GSE1: variants seen among roughly 807,000 people sequenced by gnomAD.
GSE1 encodes the protein Gse1 coiled-coil protein, also known as genetic suppressor element 1.
In GSE1, 32 loss-of-function variants were observed where a neutral mutation model predicts 112.6. The observed-to-expected ratio is 0.28, with a 90% CI of 0.21 to 0.38. The LOEUF (loss-of-function observed/expected upper bound fraction) is 0.38, where lower values mean the gene tolerates loss of function less well. Among genes scored for constraint, GSE1 ranks in the 10% least tolerant of loss-of-function variants. GSE1 has a pLI of 1.00. For missense variants in GSE1, 2,348 were observed against 1,699.2 expected, an observed-to-expected ratio of 1.38 and a Z score of -6.71; for synonymous variants, 1,115 against 735.6, an observed-to-expected ratio of 1.52 and a Z score of -8.35.
At chr16:85,276,853 G>T (rs12596384) in intron 1 of GSE1, among the ~76,000 whole-genome samples, 22,565 of 152,194 alleles carry the variant, frequency 0.15, 2,193 homozygotes, top group East Asian at 0.37. Context: ...GCTCTGAAAA[G>T]CAGGTGTCCT....
chr16:85,546,687 G>A (rs988729611), intron 2 of GSE1, among the ~76,000 whole-genome samples: 3 of 152,226 alleles, frequency 2.0e-5, no homozygotes, highest in Non-Finnish European at 2.9e-5. Flanking sequence ...AGGCCTGGAC[G>A]CGGCCAGTGA....
intron 1 of GSE1, among the ~76,000 whole-genome samples, chr16:85,590,327 AGTGTGT>A (rs377069631): frequency 2.2e-5 from 3 of 136,458 alleles, no homozygotes; most frequent in African/African-American, 8.7e-5. Flanking sequence ...TGTGAATGTG[AGTGTGT>A]GTGATTAACG....
intron 2 of GSE1, among the ~76,000 whole-genome samples, chr16:85,508,992 T>C (rs2051639732): frequency 6.6e-6 from 1 of 152,054 alleles, no homozygotes; most frequent in African/African-American, 2.4e-5. Flanking sequence ...AGTGGATATG[T>C]CTGGTAGGGC....
intron 1 of GSE1, among the ~76,000 whole-genome samples, chr16:85,301,064 A>C (rs548629676): frequency 3.6e-4 from 55 of 152,170 alleles, no homozygotes; most frequent in Non-Finnish European, 6.8e-4. Context: ...CTGTGGTTGC[A>C]CCTACCGGCT....
At chr16:85,661,043 C>G (rs1306274759) in intron 8 of GSE1, 103 bp from the exon 9 acceptor site, 2 of 1,105,458 alleles carry the variant, frequency 1.8e-6, no homozygotes, top group Admixed American at 4.6e-5. Flanking sequence ...CTCTAAGGGG[C>G]TGCGCCATCT....
At chr16:85,384,935 G>T (rs572000259) in intron 2 of GSE1, among the ~76,000 whole-genome samples, 1 of 152,344 alleles carries the variant, frequency 6.6e-6, no homozygotes, top group African/African-American at 2.4e-5. Flanking sequence ...CCTTGCATCC[G>T]GCCTGCCGCA....
chr16:85,289,320 A>G (rs969828071), intron 1 of GSE1, among the ~76,000 whole-genome samples: 14 of 151,984 alleles, frequency 9.2e-5, no homozygotes, highest in Admixed American at 2.0e-4. Context: ...TGGCTTTGTC[A>G]GTGAAAGAAG....
chr16:85,426,059 ATGG>A (rs2048973439), intron 2 of GSE1, among the ~76,000 whole-genome samples: 1 of 135,832 alleles, frequency 7.4e-6, no homozygotes, highest in Admixed American at 7.9e-5. Context: ...GGATGGATGG[ATGG>A]ATGGATGGAT....
intron 15 of GSE1, among the ~76,000 whole-genome samples, chr16:85,671,436 T>C (rs1238182233): frequency 1.1e-4 from 2 of 18,072 alleles, no homozygotes; most frequent in Admixed American, 4.4e-4. Flanking sequence ...CGAGACTCCG[T>C]CTCAAAAAAA....
intron 1 of GSE1, among the ~76,000 whole-genome samples, chr16:85,246,195 G>A (rs1381111255): frequency 8.7e-6 from 1 of 115,026 alleles, no homozygotes; most frequent in Non-Finnish European, 1.7e-5. Context: ...CAGCTTCAGG[G>A]ACCCTACACA....
chr16:85,212,925 T>C (rs1169344629), intron 1 of GSE1, among the ~76,000 whole-genome samples: 1 of 152,028 alleles, frequency 6.6e-6, no homozygotes, highest in Admixed American at 6.6e-5. Context: ...CCCAGGAGTT[T>C]GAGACCAGCC....
chr16:85,453,380 C>T (rs1281393816), intron 2 of GSE1, among the ~76,000 whole-genome samples: 6 of 152,208 alleles, frequency 3.9e-5, no homozygotes, highest in South Asian at 2.1e-4. Context: ...GGCGCTGGGG[C>T]GTGCCAGGCA....
At chr16:85,170,158 G>A in exon 1 of GSE1, 3 of 985,300 alleles carry the variant, frequency 3.0e-6, no homozygotes, top group Non-Finnish European at 3.6e-6. Context: ...GCGCGGCCAG[G>A]AGTGGAGGCC....
intron 2 of GSE1, among the ~76,000 whole-genome samples, chr16:85,464,205 C>G (rs1421306516): frequency 2.0e-5 from 3 of 152,046 alleles, no homozygotes; most frequent in African/African-American, 7.3e-5. Context: ...TTTGAAAACT[C>G]AGGGGGAGAA....
At chr16:85,541,904 C>T (rs548234514) in intron 2 of GSE1, among the ~76,000 whole-genome samples, 2 of 152,348 alleles carry the variant, frequency 1.3e-5, no homozygotes, top group Admixed American at 6.5e-5. Context: ...ACGGGCTGAG[C>T]ATGAGGGAAG....
chr16:85,374,082 G>A (rs528736389), intron 2 of GSE1, among the ~76,000 whole-genome samples: 2 of 152,328 alleles, frequency 1.3e-5, no homozygotes, highest in African/African-American at 4.8e-5. Context: ...GTGTGGTGCT[G>A]TATGTGTTGG....
chr16:85,485,958 G>A (rs1342052384), intron 2 of GSE1, among the ~76,000 whole-genome samples: 6 of 152,208 alleles, frequency 3.9e-5, no homozygotes, highest in African/African-American at 1.4e-4. Flanking sequence ...TGCACTGGCC[G>A]CTGCCTCTCC....
intron 1 of GSE1, among the ~76,000 whole-genome samples, chr16:85,558,896 C>T (rs543506725): frequency 4.6e-5 from 7 of 151,322 alleles, no homozygotes; most frequent in African/African-American, 7.3e-5. Context: ...CTTGCTGTGT[C>T]GCCCAGGCTG....
At chr16:85,343,767 A>G (rs2046673650) in intron 1 of GSE1, among the ~76,000 whole-genome samples, 1 of 152,118 alleles carries the variant, frequency 6.6e-6, no homozygotes, top group Non-Finnish European at 1.5e-5. Flanking sequence ...TTGAAATTTT[A>G]AAAAGGCAAA....
Sources: allele counts gnomAD v4.1 joint callset (sites outside exome capture counted in the v4.1 genomes callset), GRCh38; gene constraint gnomAD v4.1.1; transcripts MANE v1.5; gene names NCBI Gene and HGNC (gene_info 2026-07-23, HGNC 2026-07-21).